Variants in GALNT9 observed in about 807,000 individuals in gnomAD.
GALNT9 encodes GalNAc transferase 9.
In GALNT9, 47 loss-of-function variants were observed where a neutral mutation model predicts 63.1. The observed-to-expected ratio is 0.75, with a 90% CI of 0.59 to 0.95. The LOEUF (loss-of-function observed/expected upper bound fraction) is 0.95. Ranked by LOEUF, GALNT9 falls within the 40% of genes least tolerant of loss-of-function variation. GALNT9 has a pLI of 0.00. For missense variants in GALNT9, 829 were observed against 874.8 expected (o/e 0.95, Z 0.66); for synonymous variants, 396 against 365.7 (o/e 1.08, Z -0.94).
At chr12:132,289,925 A>G (rs1487471252) in intron 1 of GALNT9, among the ~76,000 whole-genome samples, 2 of 152,144 alleles carry the variant, frequency 1.3e-5, no homozygotes, top group African/African-American at 4.8e-5. Flanking sequence ...AGGGGTCCTG[A>G]GCCCAGCACT....
chr12:132,308,669 C>T (rs1488985849), intron 1 of GALNT9, among the ~76,000 whole-genome samples: 1 of 152,118 alleles, frequency 6.6e-6, no homozygotes, highest in African/African-American at 2.4e-5. Flanking sequence ...CCACCTGGCA[C>T]CTCGGGGTGC....
At position 132,238,588 on chromosome 12, in the gene GALNT9, C is replaced by T. The variant is rs1158451788; in HGVS notation, c.1077+9322G>A. 5.9e-5 allele frequency among the ~76,000 whole-genome samples: 9 copies of T among 152,176 alleles called. No individual in the cohort carries two copies. Among genetic ancestry groups the T allele is most frequent in the Admixed American group, 3.9e-4 (6 of 15,290 alleles). On this transcript the variant is annotated intron_variant, in intron 6 of 10. Coordinates refer to ENST00000328957, the MANE Select transcript of GALNT9 (RefSeq NM_001122636.2). This position sits in a 1 kb window ranked among gnomAD's most constrained non-coding sequence, Gnocchi z 6.5. ...TGCCCTAGGGATGGGGACTCCTGGC[C>T]TGGCTGACCTGCACCTGGGCCAGTG...
rs914652183 is a variant in GALNT9, at chr12:132,201,525, C to G, written c.1264-264G>C. ...CAGACGGCCCCTGCTGCAGCCGGCT[C>G]GTCCACACCCACCCGGGCCCAGGAA... On this transcript the variant is annotated intron_variant, in intron 7 of 10. Coordinates refer to ENST00000328957, the MANE Select transcript of GALNT9 (RefSeq NM_001122636.2). Among the ~76,000 whole-genome samples the G allele has an allele frequency of 2.0e-5, 3 of 152,184 alleles. No individual in the cohort carries two copies. In the South Asian group the frequency reaches 6.2e-4, roughly 31 times the overall value.
chr12:132,239,333 C>CTG (rs1878128850), intron 6 of GALNT9, among the ~76,000 whole-genome samples: 1 of 58,778 alleles, frequency 1.7e-5, no homozygotes, highest in Non-Finnish European at 3.1e-5. Flanking sequence ...GAGAGAGAGA[C>CTG]AGAGTCAGAG....
chr12:132,203,524 G>A lies in GALNT9; in HGVS notation c.1244C>T (p.Ala415Val). ...MDDFKSHVYM[A>V]WNIPMSNPGV... ...ACTCACCGACATGGGGATGTTCCAG[G>A]CCATGTACACGTGGGACTTGAAGTC... Residue 415 changes from alanine (A) to valine (V), a missense_variant, in exon 7 of 11, where the codon GCC (alanine) becomes GTC (valine). By Grantham distance (64) the Ala-to-Val change is moderately conservative. Coordinates refer to ENST00000328957, the MANE Select transcript of GALNT9 (RefSeq NM_001122636.2). The A allele has an allele frequency of 6.2e-7, 1 of 1,613,850 alleles. No individual in the cohort carries two copies. The highest frequency in any genetic ancestry group is 8.5e-7 in the Non-Finnish European group (1 of 1,179,778).
chr12:132,205,980 G>A (rs983058818), intron 6 of GALNT9: 2 of 152,296 alleles, frequency 1.3e-5, no homozygotes, highest in African/African-American at 4.8e-5. Flanking sequence ...TGCAGGGGCG[G>A]GACAGAGCCT....
At chr12:132,261,906 G>C (rs1555239801) in intron 3 of GALNT9, among the ~76,000 whole-genome samples, 1 of 152,230 alleles carries the variant, frequency 6.6e-6, no homozygotes, top group African/African-American at 2.4e-5. Context: ...CTGAAGCTGA[G>C]GAGGGTGGCG....
chr12:132,235,363 C>G (rs1368899930), intron 6 of GALNT9, among the ~76,000 whole-genome samples: 1 of 152,106 alleles, frequency 6.6e-6, no homozygotes, highest in Non-Finnish European at 1.5e-5. Flanking sequence ...TCCAAACAAA[C>G]TGTGTGGGGT....
intron 6 of GALNT9, among the ~76,000 whole-genome samples, chr12:132,222,755 G>A (rs917377936): frequency 4.0e-5 from 6 of 151,860 alleles, no homozygotes; most frequent in Middle Eastern, 3.4e-3. Flanking sequence ...CTGGGAGGCC[G>A]CTTTCTCATG....
intron 7 of GALNT9, 88 bp from the exon 8 acceptor site, chr12:132,201,349 C>G (rs971358739): frequency 2.3e-6 from 2 of 856,032 alleles, no homozygotes; most frequent in Non-Finnish European, 1.9e-6. Context: ...CTCCAGGGAC[C>G]AAGTGCCCTC....
chr12:132,298,188 C>A (rs1881145061), intron 1 of GALNT9, among the ~76,000 whole-genome samples: 1 of 152,006 alleles, frequency 6.6e-6, no homozygotes, highest in African/African-American at 2.4e-5. Context: ...ATAACTAACT[C>A]GTTCCCAAGG....
At position 132,201,233 on chromosome 12, in the gene GALNT9, G is replaced by A; in HGVS notation, c.1292C>T (p.Ser431Phe). The change falls in exon 8 of 11, where the codon TCT becomes TTT. Residue 431 changes from serine to phenylalanine, a missense_variant. Coordinates refer to ENST00000328957, the MANE Select transcript of GALNT9 (RefSeq NM_001122636.2). The stretch of plus-strand genomic sequence containing the variant: ...CCTCTGACGCAGGGCCAGCCTCTCA[G>A]ACACGTCCCCGAAGTCCACCCCTGG... ...SNPGVDFGDV[S>F]ERLALRQRLK... 1 of 1,613,408 alleles carries A rather than the reference G, an allele frequency of 6.2e-7. No homozygotes were observed. The highest frequency in any genetic ancestry group is 8.5e-7 in the Non-Finnish European group (1 of 1,179,460).
intron 1 of GALNT9, among the ~76,000 whole-genome samples, chr12:132,293,862 C>T (rs947039060): frequency 2.0e-5 from 3 of 148,828 alleles, no homozygotes; most frequent in East Asian, 1.9e-4. Flanking sequence ...AGGGCCAGAA[C>T]GAGAAGCCGG....
chr12:132,267,036 C>T (rs929791873), intron 2 of GALNT9, among the ~76,000 whole-genome samples: 7 of 152,274 alleles, frequency 4.6e-5, no homozygotes, highest in East Asian at 1.9e-4. Context: ...GTGTGATCCG[C>T]GTCTGGATGT....
intron 5 of GALNT9, among the ~76,000 whole-genome samples, chr12:132,254,991 A>G (rs1269373575): frequency 1.3e-5 from 2 of 152,216 alleles, no homozygotes; most frequent in Non-Finnish European, 2.9e-5. Flanking sequence ...CAATTTTCAA[A>G]AAGAGTAGAA....
intron 1 of GALNT9, among the ~76,000 whole-genome samples, chr12:132,309,699 C>T (rs1424393483): frequency 6.6e-6 from 1 of 152,218 alleles, no homozygotes; most frequent in Non-Finnish European, 1.5e-5. Context: ...CCTGCCGGCA[C>T]CGTGACTTTG....
intron 2 of GALNT9, among the ~76,000 whole-genome samples, chr12:132,264,761 C>T (rs1879535860): frequency 1.3e-5 from 2 of 152,232 alleles, no homozygotes; most frequent in Admixed American, 1.3e-4. Context: ...TTGGCTTATG[C>T]TCCACCGCGT....
Position 132,286,126 on chromosome 12 carries a change from C to G in GALNT9, c.419+124G>C. On this transcript the variant is annotated intron_variant, in intron 2 of 10. Coordinates refer to ENST00000328957, the MANE Select transcript of GALNT9 (RefSeq NM_001122636.2). The surrounding 1 kb of genome is among the most constrained non-coding windows in gnomAD (Gnocchi z 7.4). ...GCGGGCGTGGGGGGCGGTCACTTCC[C>G]TGGCGGGCGTGGGGGCCGCTCACTT... The G allele has an allele frequency of 8.7e-7, 1 of 1,149,364 alleles. No homozygotes were observed. The highest frequency in any genetic ancestry group is 3.1e-5 in the East Asian group (1 of 31,754). 71.2% of individuals were successfully genotyped at this position (1,149,364 alleles called of 1,614,324 possible). A position where few individuals can be genotyped will look rare whatever the true frequency, so the allele number is the denominator to read the frequency against.
rs373134717 is a variant in GALNT9 at position 132,260,971 on chromosome 12, G to A, written c.738C>T (p.Ala246=). 127 of 1,547,172 alleles carry A rather than the reference G, an allele frequency of 8.2e-5. No individual in the cohort carries two copies. The African/African-American group carries it at 1.4e-3, about 17-fold the overall frequency. ...ACCAGCCCGTGTTGAACTCGACGTG[G>A]GCATCAAAGAAGCCGACGACTGGGG... ...ATAPVVGFFD[A]HVEFNTGWAE... The change falls in exon 4 of 11, where the codon GCC becomes GCT. Residue 246 remains alanine, a synonymous_variant. Coordinates refer to ENST00000328957, the MANE Select transcript of GALNT9 (RefSeq NM_001122636.2).
Sources: gnomAD v4.1 joint callset for allele counts (sites outside exome capture counted in the v4.1 genomes callset) on GRCh38, gnomAD v4.1.1 for gene constraint, Gnocchi (gnomAD v3.1) non-coding constraint, MANE v1.5 for transcripts, NCBI Gene and HGNC (gene_info 2026-07-23, HGNC 2026-07-21) for gene names.